LRP1B: variants seen among roughly 807,000 people sequenced by gnomAD.
The protein encoded by LRP1B is LDL receptor related protein 1B, also known as low-density lipoprotein receptor-related protein 1B.
Under a neutral mutation model 556.6 loss-of-function variants are expected in LRP1B, and 217 were observed. The observed-to-expected ratio is 0.39, with a 90% CI of 0.35 to 0.44. LRP1B has a LOEUF of 0.44. LRP1B is among the 20% of genes least tolerant of loss of function. The pLI, the probability that LRP1B is intolerant of heterozygous loss-of-function variation, is 1.00. For missense variants in LRP1B, 5,053 were observed against 5,620.8 expected (o/e 0.90, Z 3.23); for synonymous variants, 2,047 against 1,865.8 (o/e 1.10, Z -2.50).
chr2:140,518,278 G>A (rs924288047), intron 49 of LRP1B, among the ~76,000 whole-genome samples: 20 of 152,100 alleles, frequency 1.3e-4, no homozygotes, highest in African/African-American at 3.9e-4. Flanking sequence ...TGCTTAGGAT[G>A]TTTCCTGGAT....
chr2:140,917,345 G>T (rs1372933777), intron 21 of LRP1B, among the ~76,000 whole-genome samples: 1 of 151,988 alleles, frequency 6.6e-6, no homozygotes, highest in Non-Finnish European at 1.5e-5. Context: ...TGGACTCCCT[G>T]GTCTTTACCC....
At chr2:141,452,676 A>G (rs1681464423) in intron 3 of LRP1B, among the ~76,000 whole-genome samples, 1 of 152,180 alleles carries the variant, frequency 6.6e-6, no homozygotes, top group South Asian at 2.1e-4. Flanking sequence ...TGTCCATTAT[A>G]GTTGTCACTA....
rs998985952 is a variant in LRP1B at position 140,547,022 on chromosome 2, A to C, written c.7195-5051T>G. 2.0e-5 allele frequency among the ~76,000 whole-genome samples: 3 copies of C among 152,112 alleles called. No individual in the cohort carries two copies. The East Asian group carries it at 5.8e-4, about 29-fold the overall frequency. On this transcript the variant is annotated intron_variant, in intron 43 of 90. Coordinates refer to ENST00000389484, the MANE Select transcript of LRP1B (RefSeq NM_018557.3). ...ATAAAGCCTACTTGATTGTAGGATA[A>C]GCTTTTTGATGTGCTGCTGGATTCA... is the stretch of plus-strand genomic sequence containing the variant.
intron 83 of LRP1B, among the ~76,000 whole-genome samples, chr2:140,300,964 C>G (rs1297394179): frequency 6.6e-6 from 1 of 151,970 alleles, no homozygotes; most frequent in African/African-American, 2.4e-5. Flanking sequence ...GTTATGTCTA[C>G]CAAGGTACTT....
chr2:140,498,946 T>G, intron 55 of LRP1B, among the ~76,000 whole-genome samples: 1 of 151,924 alleles, frequency 6.6e-6, no homozygotes, highest in East Asian at 1.9e-4. Flanking sequence ...TATTATTAAC[T>G]AGCTTTTACA....
intron 41 of LRP1B, among the ~76,000 whole-genome samples, chr2:140,695,764 A>G (rs368365002): frequency 6.6e-6 from 1 of 152,146 alleles, no homozygotes; most frequent in South Asian, 2.1e-4. Flanking sequence ...TCCTCTTTTT[A>G]TACTGTGAAC....
chr2:140,388,316 A>T (rs1177066892), intron 66 of LRP1B, among the ~76,000 whole-genome samples: 1 of 152,190 alleles, frequency 6.6e-6, no homozygotes, highest in Non-Finnish European at 1.5e-5. Context: ...CCAGAAAAAT[A>T]GCCCATGTAA....
At chr2:140,498,270 G>C (rs1397630845) in intron 55 of LRP1B, among the ~76,000 whole-genome samples, 1 of 151,740 alleles carries the variant, frequency 6.6e-6, no homozygotes, top group Admixed American at 6.6e-5. Context: ...ATAGCTGGCA[G>C]AAAAAATAAC....
chr2:142,024,445 G>T (rs1703438765), intron 1 of LRP1B, among the ~76,000 whole-genome samples: 1 of 152,144 alleles, frequency 6.6e-6, no homozygotes, highest in African/African-American at 2.4e-5. Context: ...CCTAAAAAAT[G>T]ATGGTTCCTA....
intron 1 of LRP1B, among the ~76,000 whole-genome samples, chr2:142,001,184 T>C (rs1331920480): frequency 6.6e-6 from 1 of 152,156 alleles, no homozygotes; most frequent in African/African-American, 2.4e-5. Context: ...CTTTATAAAT[T>C]ACCCAGTCTG....
At chr2:140,476,216 G>A (rs1687968220) in intron 59 of LRP1B, among the ~76,000 whole-genome samples, 1 of 151,900 alleles carries the variant, frequency 6.6e-6, no homozygotes, top group Admixed American at 6.6e-5. Context: ...TGTTTTAGAT[G>A]TTTCCTTGTC....
chr2:142,030,120 CGT>C (rs1443199567), intron 1 of LRP1B, among the ~76,000 whole-genome samples: 1 of 151,290 alleles, frequency 6.6e-6, no homozygotes, highest in African/African-American at 2.4e-5. Context: ...ATCATATATG[CGT>C]GTATTCTACA....
intron 51 of LRP1B, among the ~76,000 whole-genome samples, chr2:140,511,228 CT>C (rs974079708): frequency 1.0e-4 from 13 of 124,176 alleles, no homozygotes; most frequent in African/African-American, 3.4e-4. Flanking sequence ...GCAGAAAATT[CT>C]TTTTGAAGTA....
In LRP1B at chr2:141,979,339, G is replaced by T. The variant is rs115375796; in HGVS notation, c.82+151309C>A. ...CCTAACAGGCAGGAATTTCATTAGT[G>T]CTTGAACAAAAACCAGTGTAGTAAG... On this transcript the variant is annotated intron_variant, in intron 1 of 90. Transcript: ENST00000389484. Among the ~76,000 whole-genome samples the T allele has an allele frequency of 9.1e-3, 1,382 of 152,128 alleles. 13 individuals are homozygous for T. The highest frequency in any genetic ancestry group is 0.013 in the Non-Finnish European group (882 of 67,940).
At chr2:141,519,940 G>A (rs1365554997) in intron 2 of LRP1B, among the ~76,000 whole-genome samples, 1 of 152,098 alleles carries the variant, frequency 6.6e-6, no homozygotes, top group African/African-American at 2.4e-5. Context: ...TGGTATGAAA[G>A]CCCGACAATA....
At chr2:141,704,660 A>G (rs896423173) in intron 2 of LRP1B, among the ~76,000 whole-genome samples, 3 of 151,924 alleles carry the variant, frequency 2.0e-5, no homozygotes, top group Non-Finnish European at 4.4e-5. Flanking sequence ...CTTAGCAGTC[A>G]TCTCAGACTA....
intron 2 of LRP1B, among the ~76,000 whole-genome samples, chr2:141,509,010 C>A (rs1684028981): frequency 6.6e-6 from 1 of 152,108 alleles, no homozygotes; most frequent in Non-Finnish European, 1.5e-5. Context: ...GTAGGGTTGG[C>A]ATTTGCTAGG....
At chr2:141,282,983 C>T (rs746117160) in intron 3 of LRP1B, among the ~76,000 whole-genome samples, 1 of 152,050 alleles carries the variant, frequency 6.6e-6, no homozygotes, top group Non-Finnish European at 1.5e-5. Flanking sequence ...TGTCTCCTCT[C>T]CTAGATTGTA....
At chr2:140,580,753 T>G (rs1312789036) in intron 43 of LRP1B, among the ~76,000 whole-genome samples, 1 of 152,186 alleles carries the variant, frequency 6.6e-6, no homozygotes, top group East Asian at 1.9e-4. Flanking sequence ...TTTTATCTTT[T>G]TTAAACAGTC....
Sources: allele counts gnomAD v4.1 joint callset (sites outside exome capture counted in the v4.1 genomes callset), GRCh38; gene constraint gnomAD v4.1.1; transcripts MANE v1.5; gene names NCBI Gene and HGNC (gene_info 2026-07-23, HGNC 2026-07-21).